WASHC4: variants seen among roughly 807,000 people sequenced by gnomAD.
WASHC4 encodes WASH complex subunit 7.
In WASHC4, 86 loss-of-function variants were observed where a neutral mutation model predicts 166.6. The ratio of observed to expected loss-of-function variants is 0.52; its 90% confidence interval spans 0.43 to 0.62. The LOEUF is 0.62. Among genes scored for constraint, WASHC4 ranks in the 20% least tolerant of loss-of-function variants. The probability of loss-of-function intolerance (pLI) is 0.00; values close to 1 mark genes in which losing one functional copy is unlikely to be tolerated. For missense variants in WASHC4, 1,262 were observed against 1,382.4 expected, an observed-to-expected ratio of 0.91 and a Z score of 1.38; for synonymous variants, 446 against 451.6, an observed-to-expected ratio of 0.99 and a Z score of 0.16.
chr12:105,140,192 A>T, intron 15 of WASHC4, 102 bp from the exon 16 acceptor site: 1 of 874,058 alleles, frequency 1.1e-6, no homozygotes, highest in Non-Finnish European at 1.9e-6. Flanking sequence ...TTTGTATCTC[A>T]TTTACAAATC....
At chr12:105,150,313 C>A (rs889550297) in intron 25 of WASHC4, among the ~76,000 whole-genome samples, 5 of 152,174 alleles carry the variant, frequency 3.3e-5, no homozygotes, top group African/African-American at 1.2e-4. Flanking sequence ...TTCATTCTTA[C>A]AAACAGTGCT....
intron 31 of WASHC4, 128 bp downstream of exon 31, chr12:105,164,435 A>T: frequency 1.1e-6 from 1 of 913,976 alleles, no homozygotes; most frequent in Non-Finnish European, 1.7e-6. Context: ...AGTGGCAAAA[A>T]GATTATATTT....
chr12:105,121,643 G>A lies in WASHC4; in HGVS notation c.665+439G>A, dbSNP rs193220717. Among the ~76,000 whole-genome samples the A allele has an allele frequency of 2.8e-3, 419 of 152,278 alleles. 2 individuals are homozygous for A. The highest frequency in any genetic ancestry group is 9.5e-3 in the African/African-American group (394 of 41,562). On this transcript the variant is annotated intron_variant, in intron 9 of 32. Coordinates refer to ENST00000332180, the MANE Select transcript of WASHC4 (RefSeq NM_015275.3). ...CTACCTCAGCCTCCCAAGTAGCTGGGACTACAGGCGTGTGCCACCATGCCC... is the reference window on the plus strand; with the variant it reads ...CTACCTCAGCCTCCCAAGTAGCTGGAACTACAGGCGTGTGCCACCATGCCC...
At chr12:105,164,546 AAAT>A (rs146551772) in intron 31 of WASHC4, 92 bp from the exon 32 acceptor site, 94,676 of 933,136 alleles carry the variant, frequency 0.1, 5,808 homozygotes, top group African/African-American at 0.21. Context: ...GAGCTTTTAA[AAAT>A]AATAATAAGA....
At chr12:105,160,848 TTC>T (rs1376227198) in intron 29 of WASHC4, among the ~76,000 whole-genome samples, 1 of 152,220 alleles carries the variant, frequency 6.6e-6, no homozygotes, top group African/African-American at 2.4e-5. Context: ...TCAAGATAAC[TTC>T]TTTCTATTCA....
chr12:105,144,519 T>A, intron 21 of WASHC4, 64 bp downstream of exon 21: 1 of 1,398,304 alleles, frequency 7.2e-7, no homozygotes, highest in Non-Finnish European at 1.0e-6. Context: ...ACCCTACTGT[T>A]AAACAAAACT....
chr12:105,122,540 C>T (rs1293391093), intron 10 of WASHC4, among the ~76,000 whole-genome samples: 3 of 151,680 alleles, frequency 2.0e-5, no homozygotes, highest in Admixed American at 6.6e-5. Flanking sequence ...TATTGCATTT[C>T]GCTTTATTGC....
In WASHC4 at chr12:105,147,022, A is replaced by G. The variant is rs369643054; in HGVS notation, c.2410-20A>G. 8 of 1,411,190 alleles carry G rather than the reference A, an allele frequency of 5.7e-6. No individual in the cohort carries two copies. The highest frequency in any genetic ancestry group is 1.4e-5 in the African/African-American group (1 of 70,922). 87.4% of individuals were successfully genotyped at this position (1,411,190 alleles called of 1,614,324 possible). ...GCTATGGGTTGCGTTGTTACTGAGC[A>G]TAAATTTGTTTCATTGCAGATTTTT... On this transcript the variant is annotated intron_variant, in intron 23 of 32. Transcript: ENST00000332180.
chr12:105,112,072 C>T (rs998988143), intron 2 of WASHC4, among the ~76,000 whole-genome samples: 22 of 124,556 alleles, frequency 1.8e-4, no homozygotes, highest in African/African-American at 5.6e-4. Flanking sequence ...GCATACCTGC[C>T]CTAGGCAACC....
chr12:105,155,348 AAG>A (rs896150570), intron 26 of WASHC4: 11 of 152,286 alleles, frequency 7.2e-5, no homozygotes, highest in African/African-American at 2.7e-4. Context: ...CATCTGGGGA[AAG>A]AGTCTACCAG....
At chr12:105,136,999 A>G (rs1427333918) in intron 14 of WASHC4, among the ~76,000 whole-genome samples, 2 of 152,120 alleles carry the variant, frequency 1.3e-5, no homozygotes, top group Non-Finnish European at 2.9e-5. Flanking sequence ...ATTGGCATAT[A>G]TCTTCTGCCC....
At chr12:105,155,542 A>C (rs1184581149) in intron 26 of WASHC4, among the ~76,000 whole-genome samples, 1 of 135,456 alleles carries the variant, frequency 7.4e-6, no homozygotes, top group East Asian at 2.2e-4. Context: ...CATTTTCAGA[A>C]AAAGCATGAT....
intron 32 of WASHC4, among the ~76,000 whole-genome samples, chr12:105,165,873 A>G (rs2135849572): frequency 1.3e-5 from 2 of 152,362 alleles, no homozygotes; most frequent in African/African-American, 4.8e-5. Context: ...ATGAAAATTT[A>G]TACATACTAC....
rs994656177 is a variant in WASHC4, at chr12:105,167,606, G to A, written c.*675G>A. 4.6e-5 allele frequency: 7 copies of A among 152,484 alleles called. No homozygotes were observed. The highest frequency in any genetic ancestry group is 1.7e-4 in the African/African-American group (7 of 41,430). The allele number at this position is 152,484 out of a possible 1,614,324, so 9.4% of individuals were successfully genotyped here. ...CCTCCAACAGCTGCTTTAAATTTAA[G>A]ATTTACTTAATACTCAGAAAATTCA... On this transcript the variant is annotated 3_prime_UTR_variant, in exon 33 of 33. Coordinates refer to ENST00000332180, the MANE Select transcript of WASHC4 (RefSeq NM_015275.3).
Position 105,111,173 on chromosome 12 carries a change from A to G in WASHC4, c.110A>G (p.Glu37Gly). 1 of 1,605,394 alleles carries G rather than the reference A, an allele frequency of 6.2e-7. No individual in the cohort carries two copies. Among genetic ancestry groups the G allele is most frequent in the East Asian group, 2.2e-5 (1 of 44,760 alleles). Residue 37 changes from glutamate to glycine, a missense_variant, in exon 2 of 33, where the codon GAG becomes GGG. Coordinates refer to ENST00000332180, the MANE Select transcript of WASHC4 (RefSeq NM_015275.3). ...AAGAATTATGGGAAATTTCTTGAGG[A>G]GTATACCTCTCAACTGAGAAGAATT... ...QLKNYGKFLE[E>G]YTSQLRRIED...
chr12:105,118,640 TATG>T (rs1880418277), intron 7 of WASHC4, 112 bp downstream of exon 7: 2 of 742,870 alleles, frequency 2.7e-6, no homozygotes, highest in East Asian at 2.7e-5. Flanking sequence ...TTTGAACACT[TATG>T]ATATTTCAAA....
rs753114897 is a variant in WASHC4, at chr12:105,121,144, C to T, written c.605C>T (p.Thr202Ile). The T allele has an allele frequency of 1.2e-6, 2 of 1,613,046 alleles. No homozygotes were observed. ...HLGELLTVLL[T>I]LDEIIDNHIT... ...GGAGAACTGCTAACAGTTTTGCTCACCCTGGATGAAATTATTGATAATCAT... is the reference window on the plus strand; with the variant it reads ...GGAGAACTGCTAACAGTTTTGCTCATCCTGGATGAAATTATTGATAATCAT... Residue 202 changes from threonine (T) to isoleucine (I), a missense_variant, in exon 9 of 33, where the codon ACC becomes ATC. Coordinates refer to ENST00000332180, the MANE Select transcript of WASHC4 (RefSeq NM_015275.3).
intron 10 of WASHC4, among the ~76,000 whole-genome samples, chr12:105,123,192 T>C (rs978333389): frequency 5.3e-5 from 8 of 152,098 alleles, no homozygotes; most frequent in Non-Finnish European, 1.2e-4. Context: ...CAAGCGCTTG[T>C]AATCCCAGCT....
chr12:105,134,563 C>G (rs1163485800), intron 14 of WASHC4, among the ~76,000 whole-genome samples: 1 of 152,006 alleles, frequency 6.6e-6, no homozygotes, highest in Non-Finnish European at 1.5e-5. Context: ...TAAATTAGAC[C>G]TTTTCTTGTT....
Sources: gnomAD v4.1 joint callset for allele counts (sites outside exome capture counted in the v4.1 genomes callset) on GRCh38, gnomAD v4.1.1 for gene constraint, MANE v1.5 for transcripts, NCBI Gene and HGNC (gene_info 2026-07-23, HGNC 2026-07-21) for gene names.